VPS53: variants seen among roughly 807,000 people sequenced by gnomAD.
VPS53 encodes VPS53 subunit of GARP complex.
In VPS53, 70 loss-of-function variants were observed where a neutral mutation model predicts 107.0. The ratio of observed to expected loss-of-function variants is 0.65; its 90% CI spans 0.54 to 0.80. The LOEUF is 0.80. Ranked by LOEUF, VPS53 falls within the 30% of genes least tolerant of loss-of-function variation. The pLI is 0.00. For synonymous variants in VPS53, 409 were observed against 393.3 expected, an observed-to-expected ratio of 1.04 and a Z score of -0.47; for missense variants, 917 against 1,049.4, an observed-to-expected ratio of 0.87 and a Z score of 1.74.
intron 5 of VPS53, chr17:656,981 G>T: frequency 2.2e-6 from 2 of 913,520 alleles, no homozygotes. Context: ...AGAAGATCCC[G>T]GGTACCTCTC....
intron 13 of VPS53, among the ~76,000 whole-genome samples, chr17:566,790 C>A (rs1913560694): frequency 6.6e-6 from 1 of 151,998 alleles, no homozygotes; most frequent in Non-Finnish European, 1.5e-5. Context: ...GTTGTCCAGG[C>A]TGGAGTGCAG....
At chr17:619,339 TATTTCCCGG>T in intron 11 of VPS53, among the ~76,000 whole-genome samples, 1 of 144,564 alleles carries the variant, frequency 6.9e-6, no homozygotes, top group Admixed American at 6.9e-5. Context: ...GCCCCGCTAA[TATTTCCCGG>T]GTAGCTGGGA....
intron 2 of VPS53, among the ~76,000 whole-genome samples, chr17:707,427 G>A (rs1267018592): frequency 1.3e-5 from 2 of 151,230 alleles, no homozygotes; most frequent in East Asian, 3.9e-4. Context: ...GGCTGACACA[G>A]GAGAATCACT....
At chr17:669,312 C>CG (rs974976579) in intron 4 of VPS53, among the ~76,000 whole-genome samples, 18 of 151,732 alleles carry the variant, frequency 1.2e-4, no homozygotes, top group African/African-American at 1.9e-4. Context: ...CGTGGTTGGC[C>CG]GGGGGGGCAG....
intron 2 of VPS53, among the ~76,000 whole-genome samples, chr17:701,956 T>G (rs1277523738): frequency 3.9e-5 from 6 of 152,120 alleles, no homozygotes; most frequent in Non-Finnish European, 8.8e-5. Flanking sequence ...CTTGAATTCC[T>G]GGCTTCAAGC....
At chr17:594,519 G>A (rs1174911146) in intron 12 of VPS53, among the ~76,000 whole-genome samples, 1 of 150,650 alleles carries the variant, frequency 6.6e-6, no homozygotes, top group Non-Finnish European at 1.5e-5. Context: ...GTTTAATGAT[G>A]CACTCTAGTG....
intron 11 of VPS53, among the ~76,000 whole-genome samples, chr17:621,967 T>C (rs1969484038): frequency 6.6e-6 from 1 of 152,148 alleles, no homozygotes; most frequent in Admixed American, 6.6e-5. Flanking sequence ...ATCCCAGCAC[T>C]TTGGGAGGCC....
intron 2 of VPS53, among the ~76,000 whole-genome samples, chr17:707,519 T>A (rs1371236790): frequency 3.0e-5 from 1 of 33,008 alleles, no homozygotes; most frequent in African/African-American, 1.0e-4. Context: ...AGACTTTGTC[T>A]CAAAAAAAAA....
intron 8 of VPS53, among the ~76,000 whole-genome samples, chr17:629,652 ACT>A (rs1969857786): frequency 1.3e-5 from 2 of 151,856 alleles, no homozygotes; most frequent in South Asian, 4.2e-4. Context: ...AGTCCTAGCT[ACT>A]CAGGAGGCTG....
At chr17:629,809 C>CCACACACACA (rs61004817) in intron 8 of VPS53, among the ~76,000 whole-genome samples, 6 of 140,794 alleles carry the variant, frequency 4.3e-5, no homozygotes, top group South Asian at 2.3e-4. Flanking sequence ...AAAAAAAAAA[C>CCACACACACA]CACACACACA....
At chr17:700,966 T>C (rs544658958) in intron 2 of VPS53, among the ~76,000 whole-genome samples, 10 of 152,330 alleles carry the variant, frequency 6.6e-5, no homozygotes, top group African/African-American at 2.4e-4. Context: ...CAGCTCATCC[T>C]ACTGTTCTGA....
Position 601,873 on chromosome 17 carries a change from TG to T in VPS53, c.1139del (p.Pro380HisfsTer25), listed in dbSNP as rs1310558274. 1.3e-6 allele frequency: 2 copies of T among 1,595,178 alleles called. No homozygotes were observed. Among genetic ancestry groups the T allele is most frequent in the Non-Finnish European group, 1.7e-6 (2 of 1,170,092 alleles). On this transcript the variant is annotated frameshift_variant, in exon 12 of 22. Transcript: ENST00000437048. LOFTEE classifies it high-confidence loss of function. Reference protein sequence around the residue: ...GTLKKLESPPPSTNPFLEDEP... With the variant: ...GTLKKLESPPXSTNPFLEDEP... ...CATCTTCCAGGAAGGGATTGGTAGA[TG>T]GGGGTGGAGACTCAAGCTTTTTCTG... is the stretch of plus-strand genomic sequence containing the variant.
At chr17:651,937 G>C (rs1469629235) in intron 7 of VPS53, among the ~76,000 whole-genome samples, 1 of 151,896 alleles carries the variant, frequency 6.6e-6, no homozygotes, top group African/African-American at 2.4e-5. Context: ...ACAGCAATAA[G>C]AAGGAAAGAA....
chr17:543,264 G>A (rs1354250385), intron 17 of VPS53, among the ~76,000 whole-genome samples: 1 of 152,168 alleles, frequency 6.6e-6, no homozygotes, highest in Middle Eastern at 3.2e-3. Context: ...GCATTTTAAT[G>A]ACTGAGGAAA....
intron 11 of VPS53, among the ~76,000 whole-genome samples, chr17:612,730 G>A (rs1441517798): frequency 7.3e-6 from 1 of 137,058 alleles, no homozygotes; most frequent in Non-Finnish European, 1.6e-5. Context: ...AGTTCACACA[G>A]CGAAAACCTG....
chr17:620,870 A>C (rs1388942012), intron 11 of VPS53, among the ~76,000 whole-genome samples: 4 of 152,040 alleles, frequency 2.6e-5, no homozygotes, highest in Non-Finnish European at 5.9e-5. Flanking sequence ...AGCCTCTCAA[A>C]GTGCTGGGAT....
intron 7 of VPS53, among the ~76,000 whole-genome samples, chr17:635,100 A>G (rs767123643): frequency 2.6e-5 from 4 of 152,182 alleles, no homozygotes; most frequent in Non-Finnish European, 5.9e-5. Context: ...AACTGGTGTG[A>G]GATGGTATCT....
chr17:671,741 C>T (rs138043253), intron 4 of VPS53, among the ~76,000 whole-genome samples: 65 of 145,818 alleles, frequency 4.5e-4, no homozygotes, highest in African/African-American at 1.4e-3. Context: ...AGTCACGCTT[C>T]GTCGTGGCAT....
intron 12 of VPS53, among the ~76,000 whole-genome samples, chr17:590,559 C>T (rs1291120520): frequency 6.6e-6 from 1 of 152,066 alleles, no homozygotes; most frequent in Non-Finnish European, 1.5e-5. Context: ...CCCATCAATA[C>T]CTAATTTATT....
Sources: allele counts gnomAD v4.1 joint callset (sites outside exome capture counted in the v4.1 genomes callset), GRCh38; gene constraint gnomAD v4.1.1; transcripts MANE v1.5; gene names NCBI Gene and HGNC (gene_info 2026-07-23, HGNC 2026-07-21).